The following RGPD2 variants were observed in gnomAD, a reference collection of about 807,000 sequenced individuals.
RGPD2 encodes RANBP2 like and GRIP domain containing 2, also known as RANBP2-like and GRIP domain-containing protein 2.
A neutral mutation model predicts 36.0 loss-of-function variants in RGPD2; 2 were observed. That is an observed-to-expected ratio of 0.06 (90% confidence interval 0.02 to 0.17). RGPD2 has a LOEUF of 0.17. Among genes scored for constraint, RGPD2 ranks in the 10% least tolerant of loss-of-function variants. The pLI, the probability that RGPD2 is intolerant of heterozygous loss-of-function variation, is 1.00. For missense variants in RGPD2, 40 were observed against 464.3 expected (o/e 0.09, Z 8.40); for synonymous variants, 19 against 163.8 (o/e 0.12, Z 6.75).
chr2:87,983,106 G>C, the RGPD2 span, among the ~76,000 whole-genome samples: 204 of 147,588 alleles, frequency 1.4e-3, 3 homozygotes, highest in Admixed American at 0.014. Context: ...GATCACTTGA[G>C]CTCAGGAGTT....
the RGPD2 span, among the ~76,000 whole-genome samples, chr2:87,844,414 T>A: frequency 6.6e-6 from 1 of 151,560 alleles, no homozygotes; most frequent in Non-Finnish European, 1.5e-5. Context: ...TTCTTGATTG[T>A]TTAGATATTA....
chr2:87,911,518 T>G, the RGPD2 span, among the ~76,000 whole-genome samples: 1 of 152,106 alleles, frequency 6.6e-6, no homozygotes, highest in Non-Finnish European at 1.5e-5. Context: ...ATGTATAATT[T>G]CTTTGAAAAC....
the RGPD2 span, chr2:87,985,893 A>G: frequency 6.2e-7 from 1 of 1,602,400 alleles, no homozygotes; most frequent in Non-Finnish European, 8.5e-7. Flanking sequence ...GATAAACTTA[A>G]TTGTTTGCAA....
the RGPD2 span, among the ~76,000 whole-genome samples, chr2:87,935,212 G>T: frequency 2.1e-5 from 3 of 144,052 alleles, no homozygotes; most frequent in Non-Finnish European, 3.0e-5. Context: ...GGGAGGGATT[G>T]AATAATTTGA....
chr2:87,937,979 C>A, the RGPD2 span, among the ~76,000 whole-genome samples: 5 of 151,690 alleles, frequency 3.3e-5, no homozygotes, highest in Non-Finnish European at 7.4e-5. Context: ...TTCAGTACAG[C>A]AGTGAGAGCA....
chr2:87,830,374 C>G (rs1259744167), upstream of RGPD2, among the ~76,000 whole-genome samples: 2 of 152,216 alleles, frequency 1.3e-5, no homozygotes, highest in African/African-American at 4.8e-5. Context: ...TCTGAGACCA[C>G]CTCAGCCTGG....
At chr2:87,951,528 A>AAACTT in the RGPD2 span, among the ~76,000 whole-genome samples, 1 of 152,148 alleles carries the variant, frequency 6.6e-6, no homozygotes, top group Admixed American at 6.5e-5. Context: ...TAATGTAGTT[A>AAACTT]GTTCCTTGAG....
chr2:87,872,754 C>T, the RGPD2 span, among the ~76,000 whole-genome samples: 21 of 151,548 alleles, frequency 1.4e-4, no homozygotes, highest in Admixed American at 3.3e-4. Context: ...TCAGCTCCCA[C>T]TTACTAATAT....
chr2:87,769,799 TTTACTC>T (rs1306315115), intron 22 of RGPD2, among the ~76,000 whole-genome samples: 2 of 150,642 alleles, frequency 1.3e-5, no homozygotes, highest in African/African-American at 4.8e-5. Flanking sequence ...TAGGGGCAGT[TTTACTC>T]TTAGGTGACT....
chr2:87,869,861 G>T, the RGPD2 span, among the ~76,000 whole-genome samples: 8 of 152,314 alleles, frequency 5.3e-5, no homozygotes, highest in Non-Finnish European at 7.4e-5. Context: ...TGATGAAGTA[G>T]ATCATTCCCG....
chr2:87,961,696 TA>T, the RGPD2 span, among the ~76,000 whole-genome samples: 6,286 of 50,966 alleles, frequency 0.12, 1,204 homozygotes, highest in East Asian at 0.35. Context: ...TAAGACTTCC[TA>T]AAAAAAAAAA....
the RGPD2 span, among the ~76,000 whole-genome samples, chr2:87,887,025 A>T: frequency 2.6e-5 from 4 of 151,636 alleles, no homozygotes; most frequent in South Asian, 8.3e-4. Context: ...TTTAAATAAA[A>T]TTCAGGTTTT....
At chr2:87,957,979 A>G in the RGPD2 span, among the ~76,000 whole-genome samples, 4 of 152,390 alleles carry the variant, frequency 2.6e-5, no homozygotes, top group South Asian at 2.1e-4. Flanking sequence ...TTATACTTGT[A>G]TATCAGCTCC....
the RGPD2 span, among the ~76,000 whole-genome samples, chr2:87,916,006 T>C: frequency 6.7e-6 from 1 of 149,276 alleles, no homozygotes; most frequent in African/African-American, 2.5e-5. Flanking sequence ...CATTAAATGA[T>C]AGAAAGGTAA....
chr2:87,927,675 G>C, the RGPD2 span, among the ~76,000 whole-genome samples: 23 of 150,670 alleles, frequency 1.5e-4, no homozygotes, highest in South Asian at 8.4e-4. Flanking sequence ...ATAGTATCAT[G>C]TCTTTTTTTT....
chr2:87,858,154 TGTAATCC>T, the RGPD2 span, among the ~76,000 whole-genome samples: 10 of 152,272 alleles, frequency 6.6e-5, no homozygotes, highest in East Asian at 1.9e-3. Flanking sequence ...GGTGCGTGCC[TGTAATCC>T]CAGCTACTTG....
At chr2:87,919,373 A>G in the RGPD2 span, among the ~76,000 whole-genome samples, 72 of 151,462 alleles carry the variant, frequency 4.8e-4, no homozygotes, top group Non-Finnish European at 8.7e-4. Context: ...TTCAAATGTA[A>G]CTTGTTTGTG....
the RGPD2 span, among the ~76,000 whole-genome samples, chr2:87,979,896 G>A: frequency 6.6e-6 from 1 of 150,724 alleles, no homozygotes; most frequent in Non-Finnish European, 1.5e-5. Context: ...AACCACACAA[G>A]GAAATTTTAT....
chr2:87,831,908 TATAA>T, the RGPD2 span, among the ~76,000 whole-genome samples: 1 of 146,222 alleles, frequency 6.8e-6, no homozygotes, highest in Non-Finnish European at 1.5e-5. Flanking sequence ...AGCTTTAATA[TATAA>T]ATAATTATAA....
Sources: allele counts gnomAD v4.1 joint callset (sites outside exome capture counted in the v4.1 genomes callset), GRCh38; gene constraint gnomAD v4.1.1; transcripts MANE v1.5; gene names NCBI Gene and HGNC (gene_info 2026-07-23, HGNC 2026-07-21).